Variants in HLA-DQA1 observed in about 807,000 individuals in gnomAD.
HLA-DQA1 encodes major histocompatibility complex, class II, DQ alpha 1.
HLA-DQA1 carries 10 observed loss-of-function variants against 20.7 expected under a neutral mutation model. The ratio of observed to expected loss-of-function variants is 0.48; its 90% CI spans 0.30 to 0.82. HLA-DQA1 has a LOEUF of 0.82. HLA-DQA1 is among the 40% of genes least tolerant of loss of function. The pLI is 0.07. For synonymous variants in HLA-DQA1, 39 were observed against 109.2 expected, an observed-to-expected ratio of 0.36 and a Z score of 4.01; for missense variants, 127 against 293.0, an observed-to-expected ratio of 0.43 and a Z score of 4.14.
At chr6:32,645,194 T>G (rs1000620461), downstream of HLA-DQA1, 4 of 151,690 alleles carry the variant, frequency 2.6e-5, no homozygotes, top group Admixed American at 2.0e-4. Context: ...ATAGCAAATG[T>G]ACCACTCAGA....
intron 1 of HLA-DQA1, 151 bp downstream of exon 1, chr6:32,637,691 G>A: frequency 2.3e-6 from 1 of 435,880 alleles, no homozygotes. Flanking sequence ...CCTCCTTCAG[G>A]AAACCAGAGC....
intron 1 of HLA-DQA1, among the ~76,000 whole-genome samples, chr6:32,640,911 G>T (rs1380648005): frequency 9.1e-6 from 1 of 109,888 alleles, no homozygotes; most frequent in Non-Finnish European, 2.0e-5. Context: ...ACCAATGAAA[G>T]AATTAAGTGA....
chr6:32,652,995 C>T, the HLA-DQA1 span, among the ~76,000 whole-genome samples: 1 of 148,756 alleles, frequency 6.7e-6, no homozygotes, highest in Non-Finnish European at 1.5e-5. Context: ...ACATTTATAC[C>T]CCCACACTGA....
downstream of HLA-DQA1, among the ~76,000 whole-genome samples, chr6:32,648,610 TA>T (rs1782076617): frequency 1.0e-5 from 1 of 96,910 alleles, no homozygotes; most frequent in Non-Finnish European, 2.3e-5. Context: ...CTCAATAAAC[TA>T]GGTATTGATG....
At chr6:32,649,587 AAG>A (rs1434372598), downstream of HLA-DQA1, among the ~76,000 whole-genome samples, 8 of 97,124 alleles carry the variant, frequency 8.2e-5, 3 homozygotes, top group African/African-American at 2.8e-4. Context: ...GCACTGGGGA[AAG>A]GATTCCCTAT....
At chr6:32,650,486 G>A (rs1286210989), downstream of HLA-DQA1, among the ~76,000 whole-genome samples, 4 of 96,006 alleles carry the variant, frequency 4.2e-5, 1 homozygote, top group African/African-American at 1.4e-4. Context: ...TAAAGAAAAT[G>A]TGGCACATAT....
At position 32,637,505 on chromosome 6, in the gene HLA-DQA1, C is replaced by T. The variant is rs369177390; in HGVS notation, c.47C>T (p.Thr16Ile). The change falls in exon 1 of 5, where the codon ACC (threonine) becomes ATC (isoleucine). Residue 16 changes from threonine (T) to isoleucine (I), a missense_variant. Physicochemically the swap from Thr to Ile is moderately conservative, Grantham distance 89. Transcript: ENST00000343139. ...CTGCTGGGGGCCCTCGCTCTGACCA[C>T]CGTGATGAGCCCCTGTGGAGGTGAA... Reference protein sequence around the residue: ...ALLLGALALTTVMSPCGGEDI... With the variant: ...ALLLGALALTIVMSPCGGEDI... 5 of 1,181,070 alleles carry T rather than the reference C, an allele frequency of 4.2e-6. 1 individual carries two copies. Among genetic ancestry groups the T allele is most frequent in the Non-Finnish European group, 5.9e-6 (5 of 844,452 alleles). The allele number at this position is 1,181,070 out of a possible 1,614,324, so 73.2% of individuals were successfully genotyped here.
chr6:32,638,131 G>C, intron 1 of HLA-DQA1, among the ~76,000 whole-genome samples: 1 of 127,828 alleles, frequency 7.8e-6, no homozygotes, highest in African/African-American at 2.9e-5. Context: ...CCTCATATGT[G>C]TCACCTCACA....
chr6:32,647,774 A>G (rs17843580), downstream of HLA-DQA1, among the ~76,000 whole-genome samples: 85,730 of 151,032 alleles, frequency 0.57, 24,570 homozygotes, highest in Middle Eastern at 0.7. Context: ...ATTATTGGCT[A>G]TACTAAGCCC....
the HLA-DQA1 span, among the ~76,000 whole-genome samples, chr6:32,652,068 G>A: frequency 4.2e-5 from 4 of 94,722 alleles, 2 homozygotes; most frequent in African/African-American, 7.3e-5. Context: ...CGAGGCTTGC[G>A]GATCATGAGC....
At chr6:32,647,858 T>C (rs1047183084), downstream of HLA-DQA1, among the ~76,000 whole-genome samples, 6 of 152,016 alleles carry the variant, frequency 3.9e-5, no homozygotes, top group East Asian at 1.2e-3. Context: ...TAGCAATAAG[T>C]ACAATACTTT....
At chr6:32,638,669 G>A (rs9272518) in intron 1 of HLA-DQA1, among the ~76,000 whole-genome samples, 1 of 81,962 alleles carries the variant, frequency 1.2e-5, no homozygotes, top group Non-Finnish European at 2.6e-5. Flanking sequence ...AGAGAGAGGC[G>A]CTGTCTCAAA....
At chr6:32,637,701 C>T (rs9272450) in intron 1 of HLA-DQA1, among the ~76,000 whole-genome samples, 161 bp downstream of exon 1, 223 of 93,626 alleles carry the variant, frequency 2.4e-3, no homozygotes, top group East Asian at 5.9e-3. Flanking sequence ...GAAACCAGAG[C>T]CCCAACCTAC....
downstream of HLA-DQA1, among the ~76,000 whole-genome samples, chr6:32,647,495 C>G (rs28452520): frequency 0.052 from 4,880 of 93,570 alleles, 1,730 homozygotes; most frequent in African/African-American, 0.11. Flanking sequence ...CCATGGTACT[C>G]TTCTCTCTAC....
the HLA-DQA1 span, among the ~76,000 whole-genome samples, chr6:32,652,918 A>AC: frequency 0.04 from 5,939 of 147,012 alleles, 361 homozygotes; most frequent in East Asian, 0.073. Flanking sequence ...CTTCAGCCTA[A>AC]CCCCCAGGGA....
Position 32,643,407 on chromosome 6 carries a change from T to C in HLA-DQA1, c.*476T>C. The C allele has an allele frequency of 7.9e-6, 2 of 252,978 alleles. No individual in the cohort carries two copies. The allele number at this position is 252,978 out of a possible 1,614,324, so 15.7% of individuals were successfully genotyped here. ...AACACAGAAGCCACCAAGTACAGTATAGCCTGATAATATGTTGATTTCTTA... is the reference window on the plus strand; with the variant it reads ...AACACAGAAGCCACCAAGTACAGTACAGCCTGATAATATGTTGATTTCTTA... On this transcript the variant is annotated 3_prime_UTR_variant, in exon 5 of 5. Coordinates refer to ENST00000343139, the MANE Select transcript of HLA-DQA1 (RefSeq NM_002122.5).
chr6:32,638,118 C>A, intron 1 of HLA-DQA1, among the ~76,000 whole-genome samples: 1 of 131,280 alleles, frequency 7.6e-6, no homozygotes, highest in African/African-American at 2.8e-5. Flanking sequence ...TTACTCTCAG[C>A]TGCCTCATAT....
chr6:32,653,738 T>A, the HLA-DQA1 span, among the ~76,000 whole-genome samples: 1,026 of 82,184 alleles, frequency 0.012, 58 homozygotes, highest in Middle Eastern at 0.019. Context: ...AGAGATGGAA[T>A]CAACCTAAGT....
downstream of HLA-DQA1, among the ~76,000 whole-genome samples, chr6:32,651,877 T>C (rs28418426): frequency 0.33 from 31,509 of 95,240 alleles, 12,589 homozygotes; most frequent in Middle Eastern, 0.39. Flanking sequence ...TCATAAAATA[T>C]TCCAGTAAGG....
Sources: allele counts gnomAD v4.1 joint callset (sites outside exome capture counted in the v4.1 genomes callset), GRCh38; gene constraint gnomAD v4.1.1; transcripts MANE v1.5; gene names NCBI Gene and HGNC (gene_info 2026-07-23, HGNC 2026-07-21).